Variants in CLEC1A observed in about 807,000 individuals in gnomAD.
CLEC1A encodes C-type lectin-like receptor-1.
In CLEC1A, 34 loss-of-function variants were observed where a neutral mutation model predicts 28.7. That is an observed-to-expected ratio of 1.18 (90% confidence interval 0.90 to 1.57). The LOEUF is 1.57. Ranked by LOEUF, CLEC1A falls within the 40% of genes most tolerant of loss-of-function variation. The pLI is 0.00. For missense variants in CLEC1A, 385 were observed against 339.5 expected (o/e 1.13, Z -1.05); for synonymous variants, 116 against 121.0 (o/e 0.96, Z 0.27).
chr12:10,070,561 C>T lies in CLEC1A; in HGVS notation c.*772G>A, dbSNP rs1010140986. On this transcript the variant is annotated 3_prime_UTR_variant, in exon 6 of 6. Transcript: ENST00000315330. ...ATGGGTCAATGGAAGAAAATAGGAA[C>T]TGAAACTATTACAGGTGCAGATGAA... 1 of 152,174 alleles carries T rather than the reference C, an allele frequency of 6.6e-6. No homozygotes were observed. The highest frequency in any genetic ancestry group is 2.4e-5 in the African/African-American group (1 of 41,428). The allele number at this position is 152,174 out of a possible 1,614,324, so 9.4% of individuals were successfully genotyped here.
Position 10,070,980 on chromosome 12 carries a change from T to A in CLEC1A, c.*353A>T, listed in dbSNP as rs1866113785. 6.0e-6 allele frequency: 1 copy of A among 166,024 alleles called. No homozygotes were observed. Among genetic ancestry groups the A allele is most frequent in the African/African-American group, 2.4e-5 (1 of 41,966 alleles). 10.3% of individuals were successfully genotyped at this position (166,024 alleles called of 1,614,324 possible). ...GTTACCTCAATGTATTTCCTCTACT[T>A]CAAAAAGTTTCTTATTCCACCAAGT... On this transcript the variant is annotated 3_prime_UTR_variant, in exon 6 of 6. Transcript: ENST00000315330.
At chr12:10,073,480 G>C in intron 4 of CLEC1A, 69 bp from the exon 5 acceptor site, 1 of 1,120,256 alleles carries the variant, frequency 8.9e-7, no homozygotes, top group African/African-American at 1.5e-5. Flanking sequence ...GACATGCATG[G>C]GCCAGCCAGC....
At chr12:10,092,427 G>C in intron 1 of CLEC1A, 1 of 389,760 alleles carries the variant, frequency 2.6e-6, no homozygotes, top group Non-Finnish European at 5.1e-6. Flanking sequence ...CACACCTGTA[G>C]TCGCAGCTAC....
Position 10,069,716 on chromosome 12 carries a change from C to A in CLEC1A, c.*1617G>T, listed in dbSNP as rs569082031. ...AATCTTCATTTTCTAACCACAAATACAGTTTTCTTTGCATGACACAATATA... is the reference window on the plus strand; with the variant it reads ...AATCTTCATTTTCTAACCACAAATAAAGTTTTCTTTGCATGACACAATATA... On this transcript the variant is annotated 3_prime_UTR_variant, in exon 6 of 6. Transcript: ENST00000315330. The A allele has an allele frequency of 9.9e-5, 15 of 152,266 alleles. No homozygotes were observed. The highest frequency in any genetic ancestry group is 3.4e-4 in the African/African-American group (14 of 41,564). The allele number at this position is 152,266 out of a possible 1,614,324, so 9.4% of individuals were successfully genotyped here.
chr12:10,075,911 C>T (rs1265680146), intron 3 of CLEC1A, among the ~76,000 whole-genome samples: 5 of 152,126 alleles, frequency 3.3e-5, no homozygotes, highest in African/African-American at 1.2e-4. Flanking sequence ...ATGATTAGAA[C>T]TTTCTTGCCA....
chr12:10,079,839 A>T (rs768597954), intron 3 of CLEC1A, among the ~76,000 whole-genome samples: 2 of 152,094 alleles, frequency 1.3e-5, no homozygotes, highest in African/African-American at 2.4e-5. Context: ...ATTAAAAATA[A>T]AAGTAAAAAT....
chr12:10,084,771 G>C (rs2401615), intron 2 of CLEC1A, among the ~76,000 whole-genome samples: 1 of 147,440 alleles, frequency 6.8e-6, no homozygotes, highest in East Asian at 2.1e-4. Context: ...GCAGTGAACC[G>C]AGATCGCGCC....
In CLEC1A at chr12:10,072,309, G is replaced by A. The variant is rs150070170; in HGVS notation, c.663-796C>T. Reference sequence around the variant, plus strand: ...ATGCTTGTACAGCCTGCAGGATTGTGAGCCAATTAAACCTCCTTTCTTTAT... The same window carrying A: ...ATGCTTGTACAGCCTGCAGGATTGTAAGCCAATTAAACCTCCTTTCTTTAT... On this transcript the variant is annotated intron_variant, in intron 5 of 5. Coordinates refer to ENST00000315330, the MANE Select transcript of CLEC1A (RefSeq NM_016511.4). 2.2e-3 allele frequency among the ~76,000 whole-genome samples: 335 copies of A among 152,254 alleles called. 7 individuals are homozygous for A. The East Asian group carries it at 0.025, about 11-fold the overall frequency.
chr12:10,071,368 G>C lies in CLEC1A; in HGVS notation c.808C>G (p.His270Asp). The change falls in exon 6 of 6, where the codon CAT (histidine) becomes GAT (aspartate). Residue 270 changes from histidine to aspartate, a missense_variant. His to Asp is a moderately conservative substitution (Grantham distance 81, BLOSUM62 -1). Coordinates refer to ENST00000315330, the MANE Select transcript of CLEC1A (RefSeq NM_016511.4). Reference protein sequence around the residue: ...RAGMVKPESLHVPPETLGEGD With the variant: ...RAGMVKPESLDVPPETLGEGD The stretch of plus-strand genomic sequence containing the variant: ...TCGCCTAATGTTTCAGGGGGGACAT[G>C]GAGGCTCTCTGGCTTCACCATTCCT... The C allele has an allele frequency of 6.2e-7, 1 of 1,613,822 alleles. No individual in the cohort carries two copies. The highest frequency in any genetic ancestry group is 2.2e-5 in the East Asian group (1 of 44,868).
intron 2 of CLEC1A, chr12:10,084,324 G>C (rs554308091): frequency 6.6e-6 from 1 of 152,282 alleles, no homozygotes; most frequent in South Asian, 2.1e-4. Flanking sequence ...TGTGCACTGG[G>C]TCGAAGAGGA....
chr12:10,075,198 A>G (rs1163985209), intron 4 of CLEC1A, among the ~76,000 whole-genome samples: 3 of 152,342 alleles, frequency 2.0e-5, no homozygotes, highest in East Asian at 3.9e-4. Flanking sequence ...CATTGCATCA[A>G]TATTATTCCT....
intron 5 of CLEC1A, among the ~76,000 whole-genome samples, chr12:10,072,067 C>T (rs915050578): frequency 4.6e-5 from 7 of 152,074 alleles, no homozygotes; most frequent in African/African-American, 1.7e-4. Context: ...TTCGGGTCAT[C>T]GGGGTGGATC....
At chr12:10,080,915 A>C (rs1866354083) in intron 3 of CLEC1A, among the ~76,000 whole-genome samples, 1 of 152,238 alleles carries the variant, frequency 6.6e-6, no homozygotes, top group Non-Finnish European at 1.5e-5. Context: ...TCTTACTAGG[A>C]AAGAATTTGT....
In CLEC1A at chr12:10,073,283, G is replaced by A. The variant is rs751547213; in HGVS notation, c.662+10C>T. On this transcript the variant is annotated intron_variant, in intron 5 of 5. Transcript: ENST00000315330. ...AAATGCCTTTCCCATAAAATATCCT[G>A]AAGGCTTACAGTTCAGAAGTGAAAG... 1 of 1,583,440 alleles carries A rather than the reference G, an allele frequency of 6.3e-7. No homozygotes were observed. The highest frequency in any genetic ancestry group is 8.7e-7 in the Non-Finnish European group (1 of 1,153,882).
Position 10,071,071 on chromosome 12 carries a change from C to G in CLEC1A, c.*262G>C. The G allele has an allele frequency of 3.4e-6, 1 of 294,244 alleles. No individual in the cohort carries two copies. The highest frequency in any genetic ancestry group is 6.3e-6 in the Non-Finnish European group (1 of 159,944). The allele number at this position is 294,244 out of a possible 1,614,324, so 18.2% of individuals were successfully genotyped here. Reference sequence around the variant, plus strand: ...GAGAAGAAAGAGAGCTAAAAGTTATCTCTAAGCCAAGAAGGCAGATGACAT... The same window carrying G: ...GAGAAGAAAGAGAGCTAAAAGTTATGTCTAAGCCAAGAAGGCAGATGACAT... On this transcript the variant is annotated 3_prime_UTR_variant, in exon 6 of 6. Coordinates refer to ENST00000315330, the MANE Select transcript of CLEC1A (RefSeq NM_016511.4).
In CLEC1A at chr12:10,075,658, T is replaced by A; in HGVS notation, c.392-3A>T. On this transcript the variant is annotated splice_region_variant and splice_polypyrimidine_tract_variant and intron_variant, in intron 3 of 5. Transcript: ENST00000315330. ...TGTACAAGGGCTGCACCTGTGTGCTTGGAAAAAAGCCAATTTTATTGTTAT... is the reference window on the plus strand; with the variant it reads ...TGTACAAGGGCTGCACCTGTGTGCTAGGAAAAAAGCCAATTTTATTGTTAT... 6.2e-7 allele frequency: 1 copy of A among 1,611,100 alleles called. No homozygotes were observed. The highest frequency in any genetic ancestry group is 1.7e-4 in the Middle Eastern group (1 of 6,048).
At chr12:10,085,212 C>T (rs920218327) in intron 2 of CLEC1A, among the ~76,000 whole-genome samples, 10 of 150,746 alleles carry the variant, frequency 6.6e-5, no homozygotes, top group Non-Finnish European at 1.3e-4. Flanking sequence ...CACACACACA[C>T]ACACACACAC....
chr12:10,082,138 G>C (rs1866385808), intron 2 of CLEC1A, among the ~76,000 whole-genome samples: 1 of 152,136 alleles, frequency 6.6e-6, no homozygotes, highest in Non-Finnish European at 1.5e-5. Flanking sequence ...ATTTCAACTG[G>C]ATATGAATTT....
At chr12:10,075,807 G>T in intron 3 of CLEC1A, 152 bp from the exon 4 acceptor site, 1 of 643,050 alleles carries the variant, frequency 1.6e-6, no homozygotes, top group Non-Finnish European at 2.6e-6. Flanking sequence ...AATGTTTACT[G>T]GATACCTACT....
Sources: gnomAD v4.1 joint callset for allele counts (sites outside exome capture counted in the v4.1 genomes callset) on GRCh38, gnomAD v4.1.1 for gene constraint, MANE v1.5 for transcripts, NCBI Gene and HGNC (gene_info 2026-07-23, HGNC 2026-07-21) for gene names.